The following CHD5 variants were observed in gnomAD, a reference collection of about 807,000 sequenced individuals.
CHD5 encodes ATP-dependent chromatin remodeler CHD5.
A neutral mutation model predicts 230.3 loss-of-function variants in CHD5; 69 were observed. The ratio of observed to expected loss-of-function variants is 0.30; its 90% confidence interval spans 0.25 to 0.37. The LOEUF (loss-of-function observed/expected upper bound fraction) is 0.37. Ranked by LOEUF, CHD5 falls within the 10% of genes least tolerant of loss-of-function variation. The probability of loss-of-function intolerance (pLI) is 1.00; values close to 1 mark genes in which losing one functional copy is unlikely to be tolerated. For synonymous variants in CHD5, 1,064 were observed against 1,065.9 expected, an observed-to-expected ratio of 1.00 and a Z score of 0.03; for missense variants, 1,827 against 2,622.8, an observed-to-expected ratio of 0.70 and a Z score of 6.63.
At chr1:6,160,720 C>T (rs949841984) in intron 2 of CHD5, among the ~76,000 whole-genome samples, 1 of 152,278 alleles carries the variant, frequency 6.6e-6, no homozygotes, top group Admixed American at 6.5e-5. Flanking sequence ...TGGCCGCTTC[C>T]TCTCCATATG....
rs1347688442 is a variant in CHD5 at position 6,105,310 on chromosome 1, G to A, written c.*164C>T. 2.0e-5 allele frequency: 9 copies of A among 439,738 alleles called. No homozygotes were observed. The highest frequency in any genetic ancestry group is 2.9e-5 in the Admixed American group (1 of 34,902). 27.2% of individuals were successfully genotyped at this position (439,738 alleles called of 1,614,324 possible). A position where few individuals can be genotyped will look rare whatever the true frequency, so the allele number is the denominator to read the frequency against. ...CTCTGGCCCAGCTGAGCTGGGCCTCGTCCTCCATGTGATGGCATTACTAGG... is the reference window on the plus strand; with the variant it reads ...CTCTGGCCCAGCTGAGCTGGGCCTCATCCTCCATGTGATGGCATTACTAGG... On this transcript the variant is annotated 3_prime_UTR_variant, in exon 42 of 42. Transcript: ENST00000262450. The surrounding 1 kb of genome is among the most constrained non-coding windows in gnomAD (Gnocchi z 4.8).
chr1:6,127,837 G>A (rs982353839), intron 25 of CHD5, among the ~76,000 whole-genome samples: 1 of 152,244 alleles, frequency 6.6e-6, no homozygotes, highest in African/African-American at 2.4e-5. Flanking sequence ...GCCCTGCAGA[G>A]GCCGGAGCAC....
rs935721466 is a variant in CHD5, at chr1:6,105,536, C to A, written c.*47-109G>T. On this transcript the variant is annotated intron_variant, in intron 41 of 41. Coordinates refer to ENST00000262450, the MANE Select transcript of CHD5 (RefSeq NM_015557.3). This position sits in a 1 kb window ranked among gnomAD's most constrained non-coding sequence, Gnocchi z 4.8. ...TCCACCTATCACAACCAACTATGAT[C>A]GGGGTGCCCCCCAGCCATGACCTCC... The A allele has an allele frequency of 2.8e-6, 1 of 359,392 alleles. No homozygotes were observed. 22.3% of individuals were successfully genotyped at this position (359,392 alleles called of 1,614,324 possible). A position where few individuals can be genotyped will look rare whatever the true frequency, so the allele number is the denominator to read the frequency against.
intron 25 of CHD5, 108 bp downstream of exon 25, chr1:6,127,938 T>G (rs1666588122): frequency 7.6e-6 from 7 of 916,710 alleles, no homozygotes; most frequent in Admixed American, 2.8e-5. Flanking sequence ...CTTGGAGGGC[T>G]GGCTGCGGCG....
In CHD5 at chr1:6,131,005, G is replaced by A. The variant is rs766194004; in HGVS notation, c.3262+626C>T. ...TTTGAGAGGAATCACTGCTTTGGGC[G>A]TTTGGAGAGCGTGGCCCCAGCCCCT... On this transcript the variant is annotated intron_variant, in intron 21 of 41. Coordinates refer to ENST00000262450, the MANE Select transcript of CHD5 (RefSeq NM_015557.3). The surrounding 1 kb of genome is among the most constrained non-coding windows in gnomAD (Gnocchi z 5.0). Among the ~76,000 whole-genome samples, 5 of 152,262 alleles carry A rather than the reference G, an allele frequency of 3.3e-5. No homozygotes were observed. Among genetic ancestry groups the A allele is most frequent in the Non-Finnish European group, 5.9e-5 (4 of 68,048 alleles).
rs372162397 is a variant in CHD5 at position 6,146,913 on chromosome 1, G to A, written c.1384-42C>T. ...GTCCCCAAGGTGGGGCTCAGCTGCA[G>A]GGCCCCACCCTGAGGCTCCCATGAC... On this transcript the variant is annotated intron_variant, in intron 9 of 41. Coordinates refer to ENST00000262450, the MANE Select transcript of CHD5 (RefSeq NM_015557.3). The surrounding 1 kb of genome is among the most constrained non-coding windows in gnomAD (Gnocchi z 5.1). The A allele has an allele frequency of 1.8e-5, 26 of 1,423,848 alleles. No homozygotes were observed. The African/African-American group carries it at 2.7e-4, about 15-fold the overall frequency. The allele number at this position is 1,423,848 out of a possible 1,614,324, so 88.2% of individuals were successfully genotyped here.
At chr1:6,156,478 G>C (rs1336648967) in intron 3 of CHD5, among the ~76,000 whole-genome samples, 1 of 149,454 alleles carries the variant, frequency 6.7e-6, no homozygotes, top group Admixed American at 6.7e-5. Flanking sequence ...GGAGGTTGCA[G>C]TGAGCCGAGA....
rs369202453 is a variant in CHD5 at position 6,129,622 on chromosome 1, G to A, written c.3388-553C>T. Among the ~76,000 whole-genome samples, 4 of 152,286 alleles carry A rather than the reference G, an allele frequency of 2.6e-5. No homozygotes were observed. Among genetic ancestry groups the A allele is most frequent in the African/African-American group, 9.6e-5 (4 of 41,548 alleles). On this transcript the variant is annotated intron_variant, in intron 22 of 41. Coordinates refer to ENST00000262450, the MANE Select transcript of CHD5 (RefSeq NM_015557.3). This position sits in a 1 kb window ranked among gnomAD's most constrained non-coding sequence, Gnocchi z 6.8. ...TGCATGGGCGCACACACATGTGAAT[G>A]AGACATCAATTTGTATGTGTTCCCC...
chr1:6,179,881 C>A, intron 1 of CHD5, 64 bp downstream of exon 1: 1 of 945,598 alleles, frequency 1.1e-6, no homozygotes, highest in Non-Finnish European at 1.3e-6. Context: ...GCGCTCCGCC[C>A]TGGGCCCGGC....
chr1:6,177,497 T>C (rs1467641749), intron 1 of CHD5, among the ~76,000 whole-genome samples: 1 of 152,212 alleles, frequency 6.6e-6, no homozygotes, highest in Non-Finnish European at 1.5e-5. Context: ...AGGAAACTGA[T>C]GACAACGTTT....
chr1:6,146,517 A>G lies in CHD5; in HGVS notation c.1591-94T>C, dbSNP rs537913884. The G allele has an allele frequency of 8.8e-5, 125 of 1,421,324 alleles. No homozygotes were observed. In the African/African-American group the frequency reaches 1.6e-3, roughly 18 times the overall value. The allele number at this position is 1,421,324 out of a possible 1,614,324, so 88.0% of individuals were successfully genotyped here. ...CTCCTCTAGCCCCAGCCCAGGTCCCAGGCAGGACAATCCTCCCGCTCAGCA... is the reference window on the plus strand; with the variant it reads ...CTCCTCTAGCCCCAGCCCAGGTCCCGGGCAGGACAATCCTCCCGCTCAGCA... On this transcript the variant is annotated intron_variant, in intron 10 of 41. Coordinates refer to ENST00000262450, the MANE Select transcript of CHD5 (RefSeq NM_015557.3). The surrounding 1 kb of genome is among the most constrained non-coding windows in gnomAD (Gnocchi z 5.1).
chr1:6,139,028 G>A (rs1348093209), intron 15 of CHD5, among the ~76,000 whole-genome samples: 3 of 152,184 alleles, frequency 2.0e-5, no homozygotes, highest in Non-Finnish European at 2.9e-5. Flanking sequence ...GATGTTTCCC[G>A]ATTCTACTCA....
rs528747250 is a variant in CHD5 at position 6,149,294 on chromosome 1, G to C, written c.1113C>G (p.Asp371Glu). The change falls in exon 8 of 42, where the codon GAC becomes GAG. Residue 371 changes from aspartate (D) to glutamate (E), a missense_variant. Physicochemically the swap from Asp to Glu is conservative, Grantham distance 45 (BLOSUM62 2). Transcript: ENST00000262450. ...CPRAYHLVCL[D>E]PELEKAPEGK... is the part of the protein sequence containing the mutation. ...CCTCGGGAGCCTTCTCCAGCTCTGGGTCCAGGCATACGAGATGGTAGGCCC... is the reference window on the plus strand; with the variant it reads ...CCTCGGGAGCCTTCTCCAGCTCTGGCTCCAGGCATACGAGATGGTAGGCCC... The C allele has an allele frequency of 6.9e-6, 11 of 1,600,078 alleles. No individual in the cohort carries two copies. The South Asian group carries it at 1.1e-4, about 16-fold the overall frequency.
At chr1:6,110,089 G>A (rs1666260983) in intron 37 of CHD5, 99 bp from the exon 38 acceptor site, 2 of 1,187,042 alleles carry the variant, frequency 1.7e-6, no homozygotes, top group South Asian at 1.6e-5. Context: ...CCGGCAGAAA[G>A]GAGGGAAAGA....
At chr1:6,136,972 C>T in intron 15 of CHD5, 107 bp from the exon 16 acceptor site, 2 of 1,257,186 alleles carry the variant, frequency 1.6e-6, no homozygotes, top group East Asian at 2.5e-5. Context: ...CCCACAAAGG[C>T]TCCACGGAGC....
At chr1:6,152,151 G>C (rs1211910225) in intron 6 of CHD5, among the ~76,000 whole-genome samples, 1 of 152,210 alleles carries the variant, frequency 6.6e-6, no homozygotes, top group African/African-American at 2.4e-5. Flanking sequence ...ACTCAGGAGG[G>C]TGAGCCAGGG....
intron 3 of CHD5, among the ~76,000 whole-genome samples, chr1:6,156,613 G>A (rs374643661): frequency 2.6e-5 from 4 of 152,238 alleles, no homozygotes; most frequent in Admixed American, 1.3e-4. Flanking sequence ...GTGAAGGACA[G>A]GCCACTGCCA....
intron 2 of CHD5, among the ~76,000 whole-genome samples, 181 bp from the exon 3 acceptor site, chr1:6,159,696 C>A (rs947499199): frequency 3.3e-5 from 5 of 152,232 alleles, no homozygotes; most frequent in Non-Finnish European, 5.9e-5. Context: ...GCCAAAGGGG[C>A]AACCCCAAGC....
Position 6,102,840 on chromosome 1 carries a change from T to C in CHD5, c.*2634A>G, listed in dbSNP as rs756316656. ...GGGGACGCTGCTTCTGCCTCAGGCG[T>C]GTATGAGAGGGCCCTGCAGACGTGC... On this transcript the variant is annotated 3_prime_UTR_variant, in exon 42 of 42. Coordinates refer to ENST00000262450, the MANE Select transcript of CHD5 (RefSeq NM_015557.3). 3.9e-5 allele frequency: 6 copies of C among 152,228 alleles called. No individual in the cohort carries two copies. Among genetic ancestry groups the C allele is most frequent in the Non-Finnish European group, 8.8e-5 (6 of 68,020 alleles). 9.4% of individuals were successfully genotyped at this position (152,228 alleles called of 1,614,324 possible).
Sources: allele counts gnomAD v4.1 joint callset (sites outside exome capture counted in the v4.1 genomes callset), GRCh38; gene constraint gnomAD v4.1.1; non-coding constraint Gnocchi (gnomAD v3.1); transcripts MANE v1.5; gene names NCBI Gene and HGNC (gene_info 2026-07-23, HGNC 2026-07-21).